The following MAP6 variants were observed in gnomAD, a reference collection of about 807,000 sequenced individuals.
The protein encoded by MAP6 is microtubule-associated protein 6.
MAP6 carries 26 observed loss-of-function variants against 42.4 expected under a neutral mutation model. The observed-to-expected ratio is 0.61, with a 90% CI of 0.45 to 0.85. MAP6 has a LOEUF of 0.85. Among genes scored for constraint, MAP6 ranks in the 40% least tolerant of loss-of-function variants. MAP6 has a pLI of 0.00. For missense variants in MAP6, 966 were observed against 1,099.0 expected (o/e 0.88, Z 1.71); for synonymous variants, 418 against 443.8 (o/e 0.94, Z 0.73).
intron 1 of MAP6, among the ~76,000 whole-genome samples, chr11:75,619,374 A>G (rs1299594863): frequency 6.6e-6 from 1 of 151,656 alleles, no homozygotes; most frequent in African/African-American, 2.4e-5. Flanking sequence ...TTTGTTATTT[A>G]TTTATTTTTT....
rs200607557 is a variant in MAP6, at chr11:75,605,813, C to G, written c.1311G>C (p.Ala437=). The change falls in exon 3 of 4, where the codon GCG becomes GCC. Residue 437 remains alanine (A), a synonymous_variant. Transcript: ENST00000304771. The part of the protein sequence containing the change: ...SKEMNNKLAE[A]KESLAQPVSD... ...GAAAGTGCAGGGAAATTTACTCTTT[C>G]GCCTCAGCCAGTTTATTGTTCATCT... 6.2e-7 allele frequency: 1 copy of G among 1,613,870 alleles called. No homozygotes were observed. Among genetic ancestry groups the G allele is most frequent in the Admixed American group, 1.7e-5 (1 of 60,008 alleles).
intron 1 of MAP6, among the ~76,000 whole-genome samples, chr11:75,608,525 A>C (rs1360526702): frequency 6.6e-6 from 1 of 152,196 alleles, no homozygotes; most frequent in Non-Finnish European, 1.5e-5. Context: ...GGGTTGTGGC[A>C]ATAGCAGTTG....
intron 1 of MAP6, among the ~76,000 whole-genome samples, chr11:75,657,312 C>T (rs1443296101): frequency 6.6e-6 from 1 of 152,074 alleles, no homozygotes; most frequent in East Asian, 1.9e-4. Context: ...GGGGTTTCAC[C>T]GTGTTAGCCA....
At chr11:75,614,787 A>G (rs927742513) in intron 1 of MAP6, among the ~76,000 whole-genome samples, 4 of 152,242 alleles carry the variant, frequency 2.6e-5, no homozygotes, top group African/African-American at 4.8e-5. Context: ...ATTCTAATAC[A>G]AACCCCAATC....
rs112339874 is a variant in MAP6 at position 75,658,231 on chromosome 11, T to C, written c.905+9234A>G. ...ATGTATGTTTAGCTTGAATAGATAA[T>C]GCTAAAGAGTTTTATAATGTGGTTG... On this transcript the variant is annotated intron_variant, in intron 1 of 3. Coordinates refer to ENST00000304771, the MANE Select transcript of MAP6 (RefSeq NM_033063.2). 2.6e-4 allele frequency among the ~76,000 whole-genome samples: 40 copies of C among 152,340 alleles called. 1 individual carries two copies. Among genetic ancestry groups the C allele is most frequent in the African/African-American group, 7.9e-4 (33 of 41,564 alleles).
At chr11:75,589,184 T>C (rs1018489842) in intron 3 of MAP6, among the ~76,000 whole-genome samples, 1 of 152,180 alleles carries the variant, frequency 6.6e-6, no homozygotes, top group African/African-American at 2.4e-5. Context: ...TATTTCCCTA[T>C]AGCCAAGAGT....
chr11:75,643,026 G>C (rs906674265), intron 1 of MAP6: 4 of 273,366 alleles, frequency 1.5e-5, no homozygotes, highest in Admixed American at 3.4e-5. Context: ...TGTATTCATA[G>C]TCTATTTTGT....
At chr11:75,649,103 C>A (rs1414123782) in intron 1 of MAP6, among the ~76,000 whole-genome samples, 1 of 152,142 alleles carries the variant, frequency 6.6e-6, no homozygotes, top group Non-Finnish European at 1.5e-5. Context: ...ATATTCACTG[C>A]AACATTGCTT....
chr11:75,654,150 C>T (rs1943697219), intron 1 of MAP6, among the ~76,000 whole-genome samples: 1 of 152,052 alleles, frequency 6.6e-6, no homozygotes, highest in South Asian at 2.1e-4. Context: ...ACTAAGGAAA[C>T]AAAATCAGAA....
intron 1 of MAP6, among the ~76,000 whole-genome samples, chr11:75,619,355 T>C (rs889778956): frequency 6.6e-6 from 1 of 152,218 alleles, no homozygotes; most frequent in Non-Finnish European, 1.5e-5. Flanking sequence ...TCTGTACATA[T>C]CTTTTTTATT....
intron 3 of MAP6, among the ~76,000 whole-genome samples, chr11:75,588,577 C>G (rs558559323): frequency 6.6e-6 from 1 of 152,190 alleles, no homozygotes; most frequent in Admixed American, 6.5e-5. Context: ...CCTGGGAGCC[C>G]CATCTCAGCT....
chr11:75,637,975 CAG>C (rs1943399457), intron 1 of MAP6, among the ~76,000 whole-genome samples: 1 of 152,104 alleles, frequency 6.6e-6, no homozygotes, highest in Non-Finnish European at 1.5e-5. Context: ...TTTGAATTAA[CAG>C]GGGTGAAAAA....
At chr11:75,589,865 G>A (rs901208254) in intron 3 of MAP6, among the ~76,000 whole-genome samples, 3 of 152,198 alleles carry the variant, frequency 2.0e-5, no homozygotes, top group Non-Finnish European at 4.4e-5. Context: ...TTATTCTTCT[G>A]TGTTGTCCTG....
At position 75,668,166 on chromosome 11, in the gene MAP6, C is replaced by T; in HGVS notation, c.204G>A (p.Glu68=). ...APPSARAVAI[E]TQPAQGELDA... ...CCAACTCGCCCTGGGCTGGCTGCGT[C>T]TCTATGGCAACCGCGCGCGCCGAGG... Residue 68 remains glutamate, a synonymous_variant, in exon 1 of 4, where the codon GAG becomes GAA. Transcript: ENST00000304771. 8.1e-7 allele frequency: 1 copy of T among 1,227,758 alleles called. No individual in the cohort carries two copies. Among genetic ancestry groups the T allele is most frequent in the Non-Finnish European group, 1.0e-6 (1 of 991,392 alleles). 76.1% of individuals were successfully genotyped at this position (1,227,758 alleles called of 1,614,324 possible).
At chr11:75,657,402 T>C (rs979466287) in intron 1 of MAP6, among the ~76,000 whole-genome samples, 7 of 152,292 alleles carry the variant, frequency 4.6e-5, no homozygotes, top group East Asian at 3.9e-4. Flanking sequence ...TGAGCCACCA[T>C]GCCCAGCCTT....
chr11:75,604,648 C>G, intron 3 of MAP6: 1 of 985,294 alleles, frequency 1.0e-6, no homozygotes, highest in Non-Finnish European at 1.2e-6. Flanking sequence ...ACAACTCTAG[C>G]ACAGCGAAGG....
At chr11:75,650,060 C>T (rs1943623422) in intron 1 of MAP6, among the ~76,000 whole-genome samples, 1 of 152,170 alleles carries the variant, frequency 6.6e-6, no homozygotes, top group Non-Finnish European at 1.5e-5. Flanking sequence ...TCTTCAATGT[C>T]ATCGGATTTT....
chr11:75,611,538 A>C (rs1942897620), intron 1 of MAP6, among the ~76,000 whole-genome samples: 1 of 152,238 alleles, frequency 6.6e-6, no homozygotes, highest in Non-Finnish European at 1.5e-5. Context: ...GGTTCACTGT[A>C]ATTATGACAG....
chr11:75,653,851 G>T (rs1943692267), intron 1 of MAP6, among the ~76,000 whole-genome samples: 1 of 152,210 alleles, frequency 6.6e-6, no homozygotes, highest in African/African-American at 2.4e-5. Context: ...AAGGACCTCT[G>T]TATATTAGCC....
Sources: allele counts gnomAD v4.1 joint callset (sites outside exome capture counted in the v4.1 genomes callset), GRCh38; gene constraint gnomAD v4.1.1; transcripts MANE v1.5; gene names NCBI Gene and HGNC (gene_info 2026-07-23, HGNC 2026-07-21).